PITPNM3: variants seen among roughly 807,000 people sequenced by gnomAD.
PITPNM3 encodes membrane-associated phosphatidylinositol transfer protein 3.
PITPNM3 carries 26 observed loss-of-function variants against 102.0 expected under a neutral mutation model. The ratio of observed to expected loss-of-function variants is 0.25; its 90% CI spans 0.19 to 0.35. PITPNM3 has a LOEUF of 0.35. Ranked by LOEUF, PITPNM3 falls within the 10% of genes least tolerant of loss-of-function variation. The probability of loss-of-function intolerance (pLI) is 1.00; values close to 1 mark genes in which losing one functional copy is unlikely to be tolerated. For synonymous variants in PITPNM3, 578 were observed against 558.6 expected, an observed-to-expected ratio of 1.03 and a Z score of -0.49; for missense variants, 1,083 against 1,346.1, an observed-to-expected ratio of 0.80 and a Z score of 3.06.
intron 9 of PITPNM3, 122 bp downstream of exon 9, chr17:6,476,907 T>C (rs1195118832): frequency 2.3e-6 from 3 of 1,278,408 alleles, no homozygotes; most frequent in Non-Finnish European, 3.3e-6. Context: ...GTGGCCTTGG[T>C]CCCAGCATTT....
chr17:6,510,416 C>T (rs1023960334), intron 3 of PITPNM3, among the ~76,000 whole-genome samples: 1 of 152,224 alleles, frequency 6.6e-6, no homozygotes, highest in Admixed American at 6.5e-5. Flanking sequence ...AGCCTCCTTA[C>T]CTCCTCATGT....
chr17:6,481,985 C>CCTCTCTCTCTCTCT (rs773528111), intron 6 of PITPNM3, among the ~76,000 whole-genome samples: 4 of 56,142 alleles, frequency 7.1e-5, no homozygotes, highest in Non-Finnish European at 1.4e-4. Flanking sequence ...GAAAACAGAA[C>CCTCTCTCTCTCTCT]CTCTCTCTCT....
chr17:6,552,473 C>T (rs1300573216), intron 1 of PITPNM3, among the ~76,000 whole-genome samples: 2 of 152,320 alleles, frequency 1.3e-5, no homozygotes, highest in East Asian at 3.9e-4. Context: ...TGGCCTCTCT[C>T]CAGCTTCCCA....
At chr17:6,522,749 G>C (rs756249139) in intron 3 of PITPNM3, among the ~76,000 whole-genome samples, 1 of 152,122 alleles carries the variant, frequency 6.6e-6, no homozygotes, top group Non-Finnish European at 1.5e-5. Context: ...TTCCTTTCCA[G>C]GAAGAGTTCA....
chr17:6,516,014 C>G (rs1292367870), intron 3 of PITPNM3, among the ~76,000 whole-genome samples: 1 of 152,132 alleles, frequency 6.6e-6, no homozygotes, highest in African/African-American at 2.4e-5. Flanking sequence ...GACCCTGTCT[C>G]TACAAAAAAT....
At position 6,455,463 on chromosome 17, in the gene PITPNM3, G is replaced by A; in HGVS notation, c.2800C>T (p.Pro934Ser). ...RRTMSVQQPD[P>S]PAANPKPERA... is the part of the protein sequence containing the mutation. ...TCGGGCTTGGGGTTGGCGGCGGGCG[G>A]GTCGGGCTGCTGCACTGACATGGTT... The change falls in exon 20 of 20, where the codon CCG (proline) becomes TCG (serine). Residue 934 changes from proline to serine, a missense_variant. Coordinates refer to ENST00000262483, the MANE Select transcript of PITPNM3 (RefSeq NM_031220.4). The A allele has an allele frequency of 3.7e-6, 6 of 1,604,666 alleles. No homozygotes were observed. Among genetic ancestry groups the A allele is most frequent in the Non-Finnish European group, 5.1e-6 (6 of 1,179,346 alleles).
intron 4 of PITPNM3, among the ~76,000 whole-genome samples, chr17:6,495,360 T>G (rs1906737559): frequency 6.6e-6 from 1 of 152,206 alleles, no homozygotes; most frequent in Admixed American, 6.5e-5. Context: ...CAGAGCTTCC[T>G]GGCTTTTGTT....
In PITPNM3 at chr17:6,459,598, G is replaced by T. The variant is rs1332382986; in HGVS notation, c.2490+1775C>A. ...AGCTGAGCTCATCTCCCTCCAGCCT[G>T]GTCCTCCTCTCATGTCCCCTCTCAT... On this transcript the variant is annotated intron_variant, in intron 18 of 19. Coordinates refer to ENST00000262483, the MANE Select transcript of PITPNM3 (RefSeq NM_031220.4). The surrounding 1 kb of genome is among the most constrained non-coding windows in gnomAD (Gnocchi z 5.0). Among the ~76,000 whole-genome samples, 1 of 152,058 alleles carries T rather than the reference G, an allele frequency of 6.6e-6. No homozygotes were observed. The highest frequency in any genetic ancestry group is 1.5e-5 in the Non-Finnish European group (1 of 68,004).
Position 6,468,076 on chromosome 17 carries a change from A to T in PITPNM3, c.1890+149T>A, listed in dbSNP as rs1436223146. The T allele has an allele frequency of 2.5e-6, 2 of 789,794 alleles. No individual in the cohort carries two copies. Among genetic ancestry groups the T allele is most frequent in the Non-Finnish European group, 2.2e-6 (1 of 462,266 alleles). The allele number at this position is 789,794 out of a possible 1,614,324, so 48.9% of individuals were successfully genotyped here. The stretch of plus-strand genomic sequence containing the variant: ...CTTGCAGCTGCAGTGCCTGGGCTCC[A>T]TCTGAGTGTGAGCCCCAGCCTGTTT... On this transcript the variant is annotated intron_variant, in intron 14 of 19. Coordinates refer to ENST00000262483, the MANE Select transcript of PITPNM3 (RefSeq NM_031220.4). This position sits in a 1 kb window ranked among gnomAD's most constrained non-coding sequence, Gnocchi z 5.2.
chr17:6,475,694 C>T (rs992651409), intron 9 of PITPNM3, among the ~76,000 whole-genome samples: 8 of 152,164 alleles, frequency 5.3e-5, no homozygotes, highest in African/African-American at 1.9e-4. Flanking sequence ...ACCATCTGTC[C>T]CTACACCAGA....
At chr17:6,487,955 T>C (rs903349579) in intron 4 of PITPNM3, among the ~76,000 whole-genome samples, 1 of 152,180 alleles carries the variant, frequency 6.6e-6, no homozygotes, top group African/African-American at 2.4e-5. Flanking sequence ...GACAGAGCCT[T>C]GCTTCCTTTC....
intron 4 of PITPNM3, among the ~76,000 whole-genome samples, chr17:6,489,804 G>T (rs563166970): frequency 1.3e-4 from 20 of 152,264 alleles, no homozygotes; most frequent in African/African-American, 4.3e-4. Flanking sequence ...AGGAGTTCGA[G>T]ACCAGCCTGG....
intron 18 of PITPNM3, 90 bp downstream of exon 18, chr17:6,461,283 G>A (rs1033286647): frequency 2.8e-6 from 4 of 1,453,716 alleles, no homozygotes; most frequent in Non-Finnish European, 3.8e-6. Context: ...ACATCACAAG[G>A]CCCCACCCGG....
At position 6,469,972 on chromosome 17, in the gene PITPNM3, A is replaced by G. The variant is rs1012396736; in HGVS notation, c.1773+288T>C. ...ACTCAGTGGGGAGTGGGAACTGACT[A>G]CTCCAGTCTCCAAGTTGAAACACTG... On this transcript the variant is annotated intron_variant, in intron 13 of 19. Transcript: ENST00000262483. This position sits in a 1 kb window ranked among gnomAD's most constrained non-coding sequence, Gnocchi z 4.0. Among the ~76,000 whole-genome samples, 16 of 150,934 alleles carry G rather than the reference A, an allele frequency of 1.1e-4. No individual in the cohort carries two copies. The highest frequency in any genetic ancestry group is 3.4e-4 in the African/African-American group (14 of 40,784).
intron 1 of PITPNM3, among the ~76,000 whole-genome samples, chr17:6,555,825 G>A (rs1045938884): frequency 2.0e-5 from 3 of 152,244 alleles, no homozygotes; most frequent in Non-Finnish European, 2.9e-5. Flanking sequence ...CTGAGGCTTT[G>A]CGTCCCAGGG....
At position 6,455,099 on chromosome 17, in the gene PITPNM3, C is replaced by T. The variant is rs988795503; in HGVS notation, c.*239G>A. The T allele has an allele frequency of 7.2e-5, 40 of 555,702 alleles. No individual in the cohort carries two copies. Among genetic ancestry groups the T allele is most frequent in the Non-Finnish European group, 1.1e-4 (37 of 325,136 alleles). The allele number at this position is 555,702 out of a possible 1,614,324, so 34.4% of individuals were successfully genotyped here. ...ATGAACCCTGACTTGGGCTTGCGGTCGCAGGCCCGTGGGAGGCAGCAGTGG... is the reference window on the plus strand; with the variant it reads ...ATGAACCCTGACTTGGGCTTGCGGTTGCAGGCCCGTGGGAGGCAGCAGTGG... On this transcript the variant is annotated 3_prime_UTR_variant, in exon 20 of 20. Transcript: ENST00000262483.
intron 1 of PITPNM3, among the ~76,000 whole-genome samples, chr17:6,544,411 A>G (rs1399331439): frequency 1.3e-5 from 2 of 152,182 alleles, no homozygotes; most frequent in Non-Finnish European, 2.9e-5. Context: ...ATGTGCCTAT[A>G]GTCCCAGGTA....
chr17:6,489,298 G>T (rs370782295), intron 4 of PITPNM3, among the ~76,000 whole-genome samples: 1 of 152,020 alleles, frequency 6.6e-6, no homozygotes, highest in Non-Finnish European at 1.5e-5. Flanking sequence ...CAAACACTCA[G>T]TCTCCTCCTC....
intron 4 of PITPNM3, among the ~76,000 whole-genome samples, chr17:6,487,526 C>T (rs1326828838): frequency 3.9e-5 from 6 of 152,184 alleles, no homozygotes; most frequent in East Asian, 1.9e-4. Context: ...GCATGCTCCT[C>T]GGCCTTGCTG....
Sources: gnomAD v4.1 joint callset for allele counts (sites outside exome capture counted in the v4.1 genomes callset) on GRCh38, gnomAD v4.1.1 for gene constraint, Gnocchi (gnomAD v3.1) non-coding constraint, MANE v1.5 for transcripts, NCBI Gene and HGNC (gene_info 2026-07-23, HGNC 2026-07-21) for gene names.